The following CSF2 variants were observed in gnomAD, a reference collection of about 807,000 sequenced individuals.
The protein encoded by CSF2 is granulocyte-macrophage colony-stimulating factor.
CSF2 carries 2 observed loss-of-function variants against 13.5 expected under a neutral mutation model. The ratio of observed to expected loss-of-function variants is 0.15; its 90% CI spans 0.06 to 0.47. The LOEUF (loss-of-function observed/expected upper bound fraction) is 0.47, where lower values mean the gene tolerates loss of function less well. CSF2 is among the 20% of genes least tolerant of loss of function. The pLI, the probability that CSF2 is intolerant of heterozygous loss-of-function variation, is 0.97. For missense variants in CSF2, 141 were observed against 179.7 expected, an observed-to-expected ratio of 0.78 and a Z score of 1.23; for synonymous variants, 66 against 69.2, an observed-to-expected ratio of 0.95 and a Z score of 0.23.
chr5:132,074,439 G>A (rs904071993), intron 2 of CSF2, among the ~76,000 whole-genome samples: 1 of 152,290 alleles, frequency 6.6e-6, no homozygotes, highest in South Asian at 2.1e-4. Context: ...ACTGTGCCCC[G>A]AGACCAAGTC....
At position 132,074,914 on chromosome 5, in the gene CSF2, G is replaced by A. The variant is rs772995759; in HGVS notation, c.306G>A (p.Lys102=). The stretch of plus-strand genomic sequence containing the variant: ...TGACCATGATGGCCAGCCACTACAA[G>A]CAGCACTGCCCTCCAACCCCGGTGA... ...GPLTMMASHY[K]QHCPPTPETS... Residue 102 remains lysine, a synonymous_variant, in exon 3 of 4, where the codon AAG becomes AAA. Coordinates refer to ENST00000296871, the MANE Select transcript of CSF2 (RefSeq NM_000758.4). 3.7e-6 allele frequency: 6 copies of A among 1,613,622 alleles called. No homozygotes were observed. The South Asian group carries it at 5.5e-5, about 15-fold the overall frequency.
rs992138223 is a variant in CSF2 at position 132,073,927 on chromosome 5, C to T, written c.104C>T (p.Ala35Val). Residue 35 changes from alanine (A) to valine (V), a missense_variant, in exon 1 of 4, where the codon GCC (alanine) becomes GTC (valine). Transcript: ENST00000296871. ...PSTQPWEHVN[A>V]IQEARRLLNL... ...ACGCAGCCCTGGGAGCATGTGAATG[C>T]CATCCAGGAGGCCCGGCGTCTCCTG... 4 of 1,613,350 alleles carry T rather than the reference C, an allele frequency of 2.5e-6. No individual in the cohort carries two copies. The highest frequency in any genetic ancestry group is 3.4e-6 in the Non-Finnish European group (4 of 1,180,028).
chr5:132,074,158 C>A (rs1432017482), intron 2 of CSF2, 36 bp downstream of exon 2: 1 of 1,612,152 alleles, frequency 6.2e-7, no homozygotes, highest in South Asian at 1.1e-5. Context: ...TTTCCAGAAG[C>A]CCCTGCCCTG....
chr5:132,074,537 C>T (rs1008298256), intron 2 of CSF2, among the ~76,000 whole-genome samples: 11 of 152,186 alleles, frequency 7.2e-5, no homozygotes, highest in African/African-American at 2.4e-4. Flanking sequence ...GAGGCCCCAC[C>T]CCCCTCTCCC....
At chr5:132,075,006 T>C in intron 3 of CSF2, 71 bp downstream of exon 3, 3 of 1,608,366 alleles carry the variant, frequency 1.9e-6, no homozygotes, top group Non-Finnish European at 2.5e-6. Context: ...TGGGGAGAGA[T>C]CTATGGCTGT....
chr5:132,073,965 G>A lies in CSF2; in HGVS notation c.142G>A (p.Asp48Asn). The A allele has an allele frequency of 6.2e-7, 1 of 1,613,600 alleles. No homozygotes were observed. The change falls in exon 1 of 4, where the codon GAC (aspartate) becomes AAC (asparagine). Residue 48 changes from aspartate (D) to asparagine (N), a missense_variant. Coordinates refer to ENST00000296871, the MANE Select transcript of CSF2 (RefSeq NM_000758.4). ...CCGGCGTCTCCTGAACCTGAGTAGA[G>A]ACACTGCTGCTGAGATGGTAAGTGA... ...EARRLLNLSR[D>N]TAAEMNETVE...
chr5:132,075,617 G>A (rs1429749544), intron 3 of CSF2, 128 bp from the exon 4 acceptor site: 1 of 729,040 alleles, frequency 1.4e-6, no homozygotes, highest in East Asian at 2.6e-5. Context: ...AGGTCAGTGG[G>A]TGTGTCCTGG....
At chr5:132,074,737 A>AG in intron 2 of CSF2, 73 bp from the exon 3 acceptor site, 1 of 1,610,786 alleles carries the variant, frequency 6.2e-7, no homozygotes, top group Non-Finnish European at 8.5e-7. Context: ...AGCAGCAAAA[A>AG]GGAGTGGTGG....
intron 3 of CSF2, among the ~76,000 whole-genome samples, chr5:132,075,209 G>A (rs552686993): frequency 2.1e-5 from 3 of 140,496 alleles, no homozygotes; most frequent in Non-Finnish European, 4.4e-5. Flanking sequence ...CAGAGGTGAG[G>A]GCAAACCCAA....
chr5:132,074,947 C>T lies in CSF2; in HGVS notation c.327+12C>T, dbSNP rs376963100. 5.3e-5 allele frequency: 85 copies of T among 1,613,260 alleles called. No individual in the cohort carries two copies. The highest frequency in any genetic ancestry group is 3.4e-4 in the Middle Eastern group (2 of 5,898). ...GCCCTCCAACCCCGGTGAGTGCCTA[C>T]GGCAGGGCCTCCAGCAGGAATGTCT... is the stretch of plus-strand genomic sequence containing the variant. On this transcript the variant is annotated intron_variant, in intron 3 of 3. Transcript: ENST00000296871.
intron 3 of CSF2, 34 bp downstream of exon 3, chr5:132,074,969 G>T (rs768748450): frequency 6.2e-7 from 1 of 1,612,680 alleles, no homozygotes; most frequent in Admixed American, 1.7e-5. Flanking sequence ...CAGCAGGAAT[G>T]TCTTAATCTA....
chr5:132,076,007 A>T lies in CSF2; in HGVS notation c.*155A>T. On this transcript the variant is annotated 3_prime_UTR_variant, in exon 4 of 4. Transcript: ENST00000296871. ...CCCTGGGCCACACTGACCCTGATACAGGCATGGCAGAAGAATGGGAATATT... is the reference window on the plus strand; with the variant it reads ...CCCTGGGCCACACTGACCCTGATACTGGCATGGCAGAAGAATGGGAATATT... The T allele has an allele frequency of 3.2e-6, 2 of 633,146 alleles. No homozygotes were observed. The highest frequency in any genetic ancestry group is 5.7e-6 in the Non-Finnish European group (2 of 349,770). The allele number at this position is 633,146 out of a possible 1,614,324, so 39.2% of individuals were successfully genotyped here. A position where few individuals can be genotyped will look rare whatever the true frequency, so the allele number is the denominator to read the frequency against.
At chr5:132,075,611 C>A in intron 3 of CSF2, 134 bp from the exon 4 acceptor site, 3 of 706,118 alleles carry the variant, frequency 4.2e-6, no homozygotes, top group Non-Finnish European at 2.5e-6. Flanking sequence ...TGACCCAGGT[C>A]AGTGGGTGTG....
chr5:132,074,285 G>A (rs765578927), intron 2 of CSF2, among the ~76,000 whole-genome samples, 163 bp downstream of exon 2: 3 of 152,190 alleles, frequency 2.0e-5, no homozygotes, highest in Non-Finnish European at 2.9e-5. Context: ...GCTGCTGGCC[G>A]TGCCCCTATG....
intron 2 of CSF2, among the ~76,000 whole-genome samples, chr5:132,074,442 A>T (rs1756674225): frequency 6.6e-6 from 1 of 152,152 alleles, no homozygotes; most frequent in East Asian, 1.9e-4. Context: ...GTGCCCCGAG[A>T]CCAAGTCCTG....
At position 132,073,822 on chromosome 5, in the gene CSF2, G is replaced by C. The variant is rs1391887154; in HGVS notation, c.-2G>C. Reference sequence around the variant, plus strand: ...GAGAGAAAGGCTAAAGTTCTCTGGAGGATGTGGCTGCAGAGCCTGCTGCTC... The same window carrying C: ...GAGAGAAAGGCTAAAGTTCTCTGGACGATGTGGCTGCAGAGCCTGCTGCTC... On this transcript the variant is annotated 5_prime_UTR_variant, in exon 1 of 4. Coordinates refer to ENST00000296871, the MANE Select transcript of CSF2 (RefSeq NM_000758.4). The C allele has an allele frequency of 1.2e-6, 2 of 1,612,120 alleles. No individual in the cohort carries two copies. The highest frequency in any genetic ancestry group is 1.7e-6 in the Non-Finnish European group (2 of 1,180,026).
chr5:132,075,725 T>C lies in CSF2; in HGVS notation c.328-20T>C, dbSNP rs1248768780. ...CCACTTGCCTGGACTCAAGTGTTTT[T>C]TATTTTTCTTTTTTTAAAGGAAACT... On this transcript the variant is annotated intron_variant, in intron 3 of 3. Coordinates refer to ENST00000296871, the MANE Select transcript of CSF2 (RefSeq NM_000758.4). 4.4e-6 allele frequency: 7 copies of C among 1,581,182 alleles called. 1 individual carries two copies. In the Admixed American group the frequency reaches 5.0e-5, roughly 11 times the overall value.
rs1280447258 is a variant in CSF2, at chr5:132,076,140, A to G, written c.*288A>G. The stretch of plus-strand genomic sequence containing the variant: ...TATTTATTCAAGATGTTTTACCGTA[A>G]TAATTATTATTAAAAATATGCTTCT... On this transcript the variant is annotated 3_prime_UTR_variant, in exon 4 of 4. Coordinates refer to ENST00000296871, the MANE Select transcript of CSF2 (RefSeq NM_000758.4). 6.5e-6 allele frequency: 1 copy of G among 154,500 alleles called. No individual in the cohort carries two copies. The highest frequency in any genetic ancestry group is 1.4e-5 in the Non-Finnish European group (1 of 69,996). The allele number at this position is 154,500 out of a possible 1,614,324, so 9.6% of individuals were successfully genotyped here.
chr5:132,074,764 T>G (rs760037081), intron 2 of CSF2, 46 bp from the exon 3 acceptor site: 8 of 1,613,664 alleles, frequency 5.0e-6, no homozygotes, highest in Non-Finnish European at 6.8e-6. Context: ...CTTGTACCAC[T>G]GTGGGCACTT....
Sources: gnomAD v4.1 joint callset for allele counts (sites outside exome capture counted in the v4.1 genomes callset) on GRCh38, gnomAD v4.1.1 for gene constraint, MANE v1.5 for transcripts, NCBI Gene and HGNC (gene_info 2026-07-23, HGNC 2026-07-21) for gene names.